COL18A1: variants seen among roughly 807,000 people sequenced by gnomAD.
COL18A1 encodes collagen type XVIII alpha 1 chain, also known as collagen alpha-1(XVIII) chain.
Under a neutral mutation model 168.0 loss-of-function variants are expected in COL18A1, and 133 were observed. That is an observed-to-expected ratio of 0.79 (90% CI 0.69 to 0.91). The LOEUF is 0.91. Among genes scored for constraint, COL18A1 ranks in the 40% least tolerant of loss-of-function variants. The pLI, the probability that COL18A1 is intolerant of heterozygous loss-of-function variation, is 0.00. For missense variants in COL18A1, 2,126 were observed against 1,925.4 expected, an observed-to-expected ratio of 1.10 and a Z score of -1.95; for synonymous variants, 949 against 809.0, an observed-to-expected ratio of 1.17 and a Z score of -2.94.
At chr21:45,466,098 G>A (rs769002697) in intron 2 of COL18A1, among the ~76,000 whole-genome samples, 9 of 152,186 alleles carry the variant, frequency 5.9e-5, no homozygotes, top group East Asian at 1.9e-4. Flanking sequence ...TGGAAAGTCC[G>A]GCTTCTGGGA....
At chr21:45,444,117 C>A (rs1392147623) in intron 2 of COL18A1, among the ~76,000 whole-genome samples, 1 of 152,212 alleles carries the variant, frequency 6.6e-6, no homozygotes, top group Non-Finnish European at 1.5e-5. Flanking sequence ...CCTGGCCTGG[C>A]GTGGTCGTCC....
At position 45,509,597 on chromosome 21, in the gene COL18A1, C is replaced by G. The variant is rs532834770; in HGVS notation, c.3491C>G (p.Pro1164Arg). 1 of 1,474,778 alleles carries G rather than the reference C, an allele frequency of 6.8e-7. No individual in the cohort carries two copies. The highest frequency in any genetic ancestry group is 1.2e-5 in the South Asian group (1 of 82,540). 91.4% of individuals were successfully genotyped at this position (1,474,778 alleles called of 1,614,324 possible). ...GCCCACAGCCACCGCGACTTCCAGC[C>G]GGTGGTGAGTGCCCCCCCAAAGTGG... ...PPAHSHRDFQPVLHLVALNSP... is the reference protein window; with the variant it reads ...PPAHSHRDFQRVLHLVALNSP... Residue 1164 changes from proline (P) to arginine (R), a missense_variant, in exon 39 of 42, where the codon CCG becomes CGG. Pro to Arg is a moderately radical substitution (Grantham distance 103). Coordinates refer to ENST00000651438, the MANE Select transcript of COL18A1 (RefSeq NM_001379500.1).
Position 45,507,613 on chromosome 21 carries a change from T to C in COL18A1, c.3249+20T>C. On this transcript the variant is annotated intron_variant, in intron 38 of 41. Transcript: ENST00000651438. ...GGGACGGTAAGGAGCCTTTTTTCTGTTGAGACTGGTGGGTGGTCAGGACAT... is the reference window on the plus strand; with the variant it reads ...GGGACGGTAAGGAGCCTTTTTTCTGCTGAGACTGGTGGGTGGTCAGGACAT... The C allele has an allele frequency of 6.2e-7, 1 of 1,611,772 alleles. No homozygotes were observed. Among genetic ancestry groups the C allele is most frequent in the Non-Finnish European group, 8.5e-7 (1 of 1,178,786 alleles).
chr21:45,454,401 G>A (rs1363519974), intron 2 of COL18A1, among the ~76,000 whole-genome samples: 1 of 152,196 alleles, frequency 6.6e-6, no homozygotes, highest in Non-Finnish European at 1.5e-5. Flanking sequence ...CGCACAGCCT[G>A]GAGGAGGCAG....
chr21:45,453,340 C>T (rs2034694874), intron 2 of COL18A1, among the ~76,000 whole-genome samples: 1 of 152,226 alleles, frequency 6.6e-6, no homozygotes, highest in Non-Finnish European at 1.5e-5. Context: ...CATAGCTAAG[C>T]ATGCATGTGC....
rs966171790 is a variant in COL18A1 at position 45,477,937 on chromosome 21, A to G, written c.1193A>G (p.Asp398Gly). 1.9e-6 allele frequency: 3 copies of G among 1,557,162 alleles called. No homozygotes were observed. The highest frequency in any genetic ancestry group is 2.6e-6 in the Non-Finnish European group (3 of 1,148,552). The change falls in exon 8 of 42, where the codon GAC becomes GGC. Residue 398 changes from aspartate to glycine, a missense_variant. Physicochemically the swap from Asp to Gly is moderately conservative, Grantham distance 94. Coordinates refer to ENST00000651438, the MANE Select transcript of COL18A1 (RefSeq NM_001379500.1). ...PQGPPGPPGR[D>G]GTPGRDGEPG... is the part of the protein sequence containing the mutation. ...GGACCCCCAGGGCCTCCGGGGAGGG[A>G]CGGCACCCCTGGAAGGGACGGCGAG...
intron 2 of COL18A1, among the ~76,000 whole-genome samples, chr21:45,418,565 C>T (rs1174590854): frequency 6.6e-6 from 1 of 152,080 alleles, no homozygotes; most frequent in African/African-American, 2.4e-5. Context: ...TGCTGAGCCT[C>T]GGGGTGCTCA....
In COL18A1 at chr21:45,471,179, C is replaced by T. The variant is rs368374391; in HGVS notation, c.651+2393C>T. The stretch of plus-strand genomic sequence containing the variant: ...GTGCAGCAGGCCGTGTGCTGCTGGG[C>T]GTGGGTGGCGCGCTATGGGCCGTGT... On this transcript the variant is annotated intron_variant, in intron 3 of 41. Transcript: ENST00000651438. The surrounding 1 kb of genome is among the most constrained non-coding windows in gnomAD (Gnocchi z 4.4). Among the ~76,000 whole-genome samples, 5 of 151,376 alleles carry T rather than the reference C, an allele frequency of 3.3e-5. No homozygotes were observed. The East Asian group carries it at 7.8e-4, about 24-fold the overall frequency.
intron 37 of COL18A1, chr21:45,506,778 ACCTT>A (rs1568945889): frequency 0.069 from 3,558 of 51,254 alleles, 62 homozygotes; most frequent in African/African-American, 0.14. Flanking sequence ...GAACCCTCCC[ACCTT>A]CCCTCTGGAG....
chr21:45,440,760 C>T (rs2034349573), intron 2 of COL18A1, among the ~76,000 whole-genome samples: 1 of 152,198 alleles, frequency 6.6e-6, no homozygotes, highest in Non-Finnish European at 1.5e-5. Flanking sequence ...CCTGGCTGCA[C>T]GTGGGGATCG....
rs369114408 is a variant in COL18A1 at position 45,477,801 on chromosome 21, C to G, written c.1057C>G (p.Arg353Gly). The change falls in exon 8 of 42, where the codon CGG (arginine) becomes GGG (glycine). Residue 353 changes from arginine to glycine, a missense_variant. By Grantham distance (125) the Arg-to-Gly change is moderately radical. Transcript: ENST00000651438. ...GCCAGGTGTTCCGGGCCCACCTGGC[C>G]GGGCAGGCCCCCCAGGATCCCCATG... ...GEPGVPGPPG[R>G]AGPPGSPCLP... The G allele has an allele frequency of 1.3e-6, 2 of 1,549,102 alleles. No individual in the cohort carries two copies. Among genetic ancestry groups the G allele is most frequent in the African/African-American group, 2.7e-5 (2 of 73,122 alleles).
intron 13 of COL18A1, 94 bp downstream of exon 13, chr21:45,480,952 C>T (rs897119414): frequency 1.4e-4 from 211 of 1,499,850 alleles, no homozygotes; most frequent in Middle Eastern, 4.4e-4. Flanking sequence ...CGCCTCAGGC[C>T]TCCCCAGTCC....
intron 2 of COL18A1, chr21:45,456,935 G>A (rs2034850681): frequency 2.2e-6 from 3 of 1,334,710 alleles, no homozygotes; most frequent in African/African-American, 1.6e-5. Flanking sequence ...TGCCAGGTAA[G>A]TGTGGGCGGG....
At chr21:45,460,348 C>T (rs1045724645) in intron 2 of COL18A1, among the ~76,000 whole-genome samples, 3 of 152,198 alleles carry the variant, frequency 2.0e-5, no homozygotes, top group Admixed American at 6.5e-5. Flanking sequence ...GCTCGGGAGG[C>T]AGGTCCACAC....
rs530808102 is a variant in COL18A1 at position 45,477,478 on chromosome 21, C to T, written c.996C>T (p.Arg332=). ...WDGSVRTPGG[R]VKEGGLKGQK... ...GGAGTGTCCGGACCCCTGGGGGCCGCGTGAAAGAGGTAAGGCCACCTCCCT... is the reference window on the plus strand; with the variant it reads ...GGAGTGTCCGGACCCCTGGGGGCCGTGTGAAAGAGGTAAGGCCACCTCCCT... Residue 332 remains arginine, a synonymous_variant, in exon 7 of 42, where the codon CGC becomes CGT. Coordinates refer to ENST00000651438, the MANE Select transcript of COL18A1 (RefSeq NM_001379500.1). The T allele has an allele frequency of 1.0e-4, 165 of 1,610,164 alleles. 3 individuals are homozygous for T. Among genetic ancestry groups the T allele is most frequent in the Middle Eastern group, 3.3e-4 (2 of 6,044 alleles).
intron 27 of COL18A1, 129 bp from the exon 28 acceptor site, chr21:45,494,733 G>T: frequency 7.9e-7 from 1 of 1,266,772 alleles, no homozygotes; most frequent in Non-Finnish European, 1.1e-6. Context: ...GCTGCAGTGG[G>T]CTCCTCCGAG....
chr21:45,504,162 G>A lies in COL18A1; in HGVS notation c.2727+108G>A, dbSNP rs1312463555. The A allele has an allele frequency of 3.1e-6, 4 of 1,294,782 alleles. No homozygotes were observed. In the African/African-American group the frequency reaches 5.8e-5, roughly 19 times the overall value. The allele number at this position is 1,294,782 out of a possible 1,614,324, so 80.2% of individuals were successfully genotyped here. On this transcript the variant is annotated intron_variant, in intron 33 of 41. Coordinates refer to ENST00000651438, the MANE Select transcript of COL18A1 (RefSeq NM_001379500.1). Reference sequence around the variant, plus strand: ...CCGGCCCAAGCCCCCTTCCTGTTCAGCCCTGCGAGGGGCGCTGGCTCCAGA... The same window carrying A: ...CCGGCCCAAGCCCCCTTCCTGTTCAACCCTGCGAGGGGCGCTGGCTCCAGA...
chr21:45,485,901 A>T (rs1339007657), intron 15 of COL18A1, among the ~76,000 whole-genome samples: 1 of 152,178 alleles, frequency 6.6e-6, no homozygotes, highest in Non-Finnish European at 1.5e-5. Context: ...GGCTCACACT[A>T]TCTCATTCCG....
In COL18A1 at chr21:45,498,391, G is replaced by A. The variant is rs748653588; in HGVS notation, c.2683+730G>A. On this transcript the variant is annotated intron_variant, in intron 32 of 41. Transcript: ENST00000651438. This position sits in a 1 kb window ranked among gnomAD's most constrained non-coding sequence, Gnocchi z 4.5. ...ACCACGGTCCCCTCTCGCCGCCAGGGTCCCCTCTCGCCGCCAGGGTCCCCT... is the reference window on the plus strand; with the variant it reads ...ACCACGGTCCCCTCTCGCCGCCAGGATCCCCTCTCGCCGCCAGGGTCCCCT... 3.6e-5 allele frequency: 24 copies of A among 663,444 alleles called. No homozygotes were observed. In the African/African-American group the frequency reaches 4.0e-4, roughly 11 times the overall value. 41.1% of individuals were successfully genotyped at this position (663,444 alleles called of 1,614,324 possible). A position where few individuals can be genotyped will look rare whatever the true frequency, so the allele number is the denominator to read the frequency against.
Sources: allele counts gnomAD v4.1 joint callset (sites outside exome capture counted in the v4.1 genomes callset), GRCh38; gene constraint gnomAD v4.1.1; non-coding constraint Gnocchi (gnomAD v3.1); transcripts MANE v1.5; gene names NCBI Gene and HGNC (gene_info 2026-07-23, HGNC 2026-07-21).